The following ABTB3 variants were observed in gnomAD, a reference collection of about 807,000 sequenced individuals.
The protein encoded by ABTB3 is ankyrin repeat- and BTB/POZ domain-containing protein 3.
At chr12:107,555,255 C>A in the ABTB3 span, among the ~76,000 whole-genome samples, 1 of 152,206 alleles carries the variant, frequency 6.6e-6, no homozygotes, top group Non-Finnish European at 1.5e-5. Context: ...GGGACAGCAT[C>A]AGGGCAAATC....
the ABTB3 span, among the ~76,000 whole-genome samples, chr12:107,420,911 A>G: frequency 1.3e-5 from 2 of 152,176 alleles, no homozygotes; most frequent in Non-Finnish European, 2.9e-5. Flanking sequence ...CCCTAAATGT[A>G]GGTATTTTCC....
At chr12:107,561,675 A>G in the ABTB3 span, among the ~76,000 whole-genome samples, 1 of 152,270 alleles carries the variant, frequency 6.6e-6, no homozygotes, top group East Asian at 1.9e-4. Flanking sequence ...TGCTCCAAGG[A>G]GGGAGTTAAT....
the ABTB3 span, among the ~76,000 whole-genome samples, chr12:107,525,324 C>CAAAAAAAAAAA: frequency 8.8e-3 from 307 of 34,784 alleles, 11 homozygotes; most frequent in Non-Finnish European, 0.011. Flanking sequence ...AAGATCCTGT[C>CAAAAAAAAAAA]AAAAAAAAAA....
chr12:107,649,209 G>A, the ABTB3 span: 1 of 1,612,178 alleles, frequency 6.2e-7, no homozygotes, highest in South Asian at 1.1e-5. Context: ...CTTCCAGCTG[G>A]TTATGCAGTA....
At chr12:107,456,412 G>A in the ABTB3 span, among the ~76,000 whole-genome samples, 1 of 152,196 alleles carries the variant, frequency 6.6e-6, no homozygotes, top group South Asian at 2.1e-4. Flanking sequence ...GATTCTCAGA[G>A]TGGCACGAAC....
chr12:107,563,286 A>G, the ABTB3 span, among the ~76,000 whole-genome samples: 2 of 152,230 alleles, frequency 1.3e-5, no homozygotes, highest in African/African-American at 2.4e-5. Flanking sequence ...ACAGAACTCA[A>G]TTGTACATTC....
At chr12:107,498,248 G>C in the ABTB3 span, among the ~76,000 whole-genome samples, 2 of 152,214 alleles carry the variant, frequency 1.3e-5, no homozygotes, top group Non-Finnish European at 2.9e-5. Flanking sequence ...AAAAGGCAAA[G>C]GCCGAGGAAG....
chr12:107,371,306 T>G, the ABTB3 span, among the ~76,000 whole-genome samples: 1 of 152,168 alleles, frequency 6.6e-6, no homozygotes, highest in Non-Finnish European at 1.5e-5. Flanking sequence ...AACCTGTTGC[T>G]AAACAGCCTC....
chr12:107,321,620 C>T, the ABTB3 span, among the ~76,000 whole-genome samples: 3 of 86,446 alleles, frequency 3.5e-5, no homozygotes, highest in Non-Finnish European at 7.1e-5. Flanking sequence ...CACACACACA[C>T]ACACACACAC....
At chr12:107,499,655 AG>A in the ABTB3 span, among the ~76,000 whole-genome samples, 2 of 150,284 alleles carry the variant, frequency 1.3e-5, no homozygotes, top group African/African-American at 2.5e-5. Flanking sequence ...TGGCGGCAAG[AG>A]GGGGCAGGGG....
At chr12:107,650,937 A>G in the ABTB3 span, 1 of 152,252 alleles carries the variant, frequency 6.6e-6, no homozygotes, top group African/African-American at 2.4e-5. Flanking sequence ...TAAGGAATGT[A>G]CATTTAAATC....
At chr12:107,338,682 T>C in the ABTB3 span, among the ~76,000 whole-genome samples, 2 of 152,212 alleles carry the variant, frequency 1.3e-5, no homozygotes, top group Admixed American at 6.5e-5. Flanking sequence ...CTTGGACATA[T>C]GAAGTTGTTC....
At chr12:107,437,905 G>A in the ABTB3 span, among the ~76,000 whole-genome samples, 1 of 152,104 alleles carries the variant, frequency 6.6e-6, no homozygotes, top group Admixed American at 6.5e-5. Flanking sequence ...TATTATAGTG[G>A]GTATTGGGGG....
chr12:107,356,513 G>T, the ABTB3 span, among the ~76,000 whole-genome samples: 2 of 152,196 alleles, frequency 1.3e-5, no homozygotes, highest in African/African-American at 4.8e-5. Flanking sequence ...TCCGTGTGAA[G>T]CCCTTCCAGG....
chr12:107,494,990 G>C, the ABTB3 span, among the ~76,000 whole-genome samples: 2 of 152,218 alleles, frequency 1.3e-5, no homozygotes. Context: ...GTCACTAAGA[G>C]AGCCAGGGAA....
the ABTB3 span, among the ~76,000 whole-genome samples, chr12:107,566,597 C>T: frequency 6.6e-6 from 1 of 151,220 alleles, no homozygotes; most frequent in Non-Finnish European, 1.5e-5. Flanking sequence ...TCTTAGCCGC[C>T]AAGGCAAAAC....
chr12:107,433,121 T>C, the ABTB3 span, among the ~76,000 whole-genome samples: 2 of 146,326 alleles, frequency 1.4e-5, no homozygotes, highest in Non-Finnish European at 3.0e-5. Flanking sequence ...CCGTCTCTAC[T>C]AAAAATACAA....
At chr12:107,517,580 T>C in the ABTB3 span, among the ~76,000 whole-genome samples, 1 of 152,330 alleles carries the variant, frequency 6.6e-6, no homozygotes, top group South Asian at 2.1e-4. Context: ...AAGAGGTCCT[T>C]CACATTCCTT....
chr12:107,482,981 T>TTTCC, the ABTB3 span, among the ~76,000 whole-genome samples: 18 of 33,672 alleles, frequency 5.3e-4, no homozygotes, highest in African/African-American at 1.8e-3. Context: ...TCTTTCTTTC[T>TTTCC]TTCTTTCCTT....
Sources: gnomAD v4.1 joint callset for allele counts (sites outside exome capture counted in the v4.1 genomes callset) on GRCh38, gnomAD v4.1.1 for gene constraint, MANE v1.5 for transcripts, NCBI Gene and HGNC (gene_info 2026-07-23, HGNC 2026-07-21) for gene names.